The following NWD2 variants were observed in gnomAD, a reference collection of about 807,000 sequenced individuals.
NWD2 encodes the protein NACHT and WD repeat domain containing 2, also known as NACHT and WD repeat domain-containing protein 2.
A neutral mutation model predicts 132.7 loss-of-function variants in NWD2; 37 were observed. The observed-to-expected ratio is 0.28, with a 90% CI of 0.21 to 0.37. The LOEUF is 0.37. Among genes scored for constraint, NWD2 ranks in the 10% least tolerant of loss-of-function variants. NWD2 has a pLI of 1.00. For synonymous variants in NWD2, 705 were observed against 803.0 expected (o/e 0.88, Z 2.06); for missense variants, 1,592 against 2,122.4 (o/e 0.75, Z 4.91).
intron 3 of NWD2, among the ~76,000 whole-genome samples, chr4:37,411,517 A>G (rs1721156534): frequency 6.6e-6 from 1 of 152,228 alleles, no homozygotes; most frequent in Non-Finnish European, 1.5e-5. Flanking sequence ...AAAAAAGTCC[A>G]GGACCAGACA....
Position 37,439,473 on chromosome 4 carries a change from T to C in NWD2, c.1296+83T>C. On this transcript the variant is annotated intron_variant, in intron 6 of 6. Transcript: ENST00000309447. The surrounding 1 kb of genome is among the most constrained non-coding windows in gnomAD (Gnocchi z 4.5). ...TAAATTAATCAAATTCATTTCTACT[T>C]TCTGAGTTTACTATGTGAATTATAG... 1.0e-6 allele frequency: 1 copy of C among 984,560 alleles called. No homozygotes were observed. The highest frequency in any genetic ancestry group is 1.4e-6 in the Non-Finnish European group (1 of 694,374). The allele number at this position is 984,560 out of a possible 1,614,324, so 61.0% of individuals were successfully genotyped here. A position where few individuals can be genotyped will look rare whatever the true frequency, so the allele number is the denominator to read the frequency against.
At position 37,430,778 on chromosome 4, in the gene NWD2, A is replaced by AAGCT. The variant is rs1560253997; in HGVS notation, c.561+4_561+7dup. 1 of 1,548,992 alleles carries AAGCT rather than the reference A, an allele frequency of 6.5e-7. No individual in the cohort carries two copies. The highest frequency in any genetic ancestry group is 8.7e-7 in the Non-Finnish European group (1 of 1,144,548). ...TGCTGAGAAGCAATAGAAATGCAGTAAGCTGCCTTTCCCTCAAGCCTATGG... is the reference window on the plus strand; with the variant it reads ...TGCTGAGAAGCAATAGAAATGCAGTAAGCTAGCTGCCTTTCCCTCAAGCCTATGG... On this transcript the variant is annotated splice_donor_region_variant and intron_variant, in intron 4 of 6. Coordinates refer to ENST00000309447, the MANE Select transcript of NWD2 (RefSeq NM_001144990.2).
intron 1 of NWD2, among the ~76,000 whole-genome samples, chr4:37,249,136 G>A (rs1326078889): frequency 1.3e-5 from 2 of 152,198 alleles, no homozygotes; most frequent in Non-Finnish European, 2.9e-5. Flanking sequence ...AATTTTAATG[G>A]ATTTGAATTT....
In NWD2 at chr4:37,348,675, T is replaced by TACACACACACACACAC. The variant is rs1172614596; in HGVS notation, c.241-7678_241-7663dup. The stretch of plus-strand genomic sequence containing the variant: ...ATATATATATATATATATATATATA[T>TACACACACACACACAC]ACACACACACACACACACACACACA... On this transcript the variant is annotated intron_variant, in intron 2 of 6. Coordinates refer to ENST00000309447, the MANE Select transcript of NWD2 (RefSeq NM_001144990.2). Among the ~76,000 whole-genome samples the TACACACACACACACAC allele has an allele frequency of 2.1e-3, 47 of 22,566 alleles. 3 individuals are homozygous for TACACACACACACACAC. Among genetic ancestry groups the TACACACACACACACAC allele is most frequent in the African/African-American group, 8.5e-3 (47 of 5,538 alleles). 14.8% of individuals were successfully genotyped at this position (22,566 alleles called of 152,430 possible).
chr4:37,310,468 T>C (rs1244486910), intron 1 of NWD2, among the ~76,000 whole-genome samples: 3 of 152,188 alleles, frequency 2.0e-5, no homozygotes, highest in African/African-American at 7.2e-5. Context: ...TGGAAACTTC[T>C]AAGATTTGGA....
rs373412005 is a variant in NWD2 at position 37,401,144 on chromosome 4, T to C, written c.358-29428T>C. On this transcript the variant is annotated intron_variant, in intron 3 of 6. Transcript: ENST00000309447. The stretch of plus-strand genomic sequence containing the variant: ...AACAGCTTGTAATGTCAATTTTGTA[T>C]AGCCATTTTTCACTTATCCAGTCCC... Among the ~76,000 whole-genome samples, 9 of 152,316 alleles carry C rather than the reference T, an allele frequency of 5.9e-5. No homozygotes were observed. The South Asian group carries it at 1.7e-3, about 28-fold the overall frequency.
chr4:37,418,412 G>C (rs80271578), intron 3 of NWD2, among the ~76,000 whole-genome samples: 2,241 of 152,072 alleles, frequency 0.015, 55 homozygotes, highest in African/African-American at 0.051. Flanking sequence ...TCTAAAAGAG[G>C]GGGGCATAAC....
intron 1 of NWD2, among the ~76,000 whole-genome samples, chr4:37,316,002 T>C (rs907967593): frequency 6.6e-6 from 1 of 152,052 alleles, no homozygotes; most frequent in Admixed American, 6.6e-5. Flanking sequence ...GTATTATGTG[T>C]ATGTTAAAAT....
intron 5 of NWD2, among the ~76,000 whole-genome samples, chr4:37,434,703 C>T (rs1177918899): frequency 1.3e-5 from 2 of 151,244 alleles, no homozygotes; most frequent in Non-Finnish European, 2.9e-5. Flanking sequence ...GAGGGAGCAA[C>T]AGATTTAAGA....
chr4:37,378,655 T>C (rs1479746231), intron 3 of NWD2, among the ~76,000 whole-genome samples: 1 of 152,206 alleles, frequency 6.6e-6, no homozygotes, highest in Non-Finnish European at 1.5e-5. Context: ...GAGTGACCTT[T>C]GAGCCAGAAG....
At chr4:37,299,044 T>C (rs1024122716) in intron 1 of NWD2, among the ~76,000 whole-genome samples, 1 of 152,148 alleles carries the variant, frequency 6.6e-6, no homozygotes, top group African/African-American at 2.4e-5. Flanking sequence ...CTCTTTCCTG[T>C]GTATCTAATT....
chr4:37,336,084 T>C (rs1021979131), intron 2 of NWD2, among the ~76,000 whole-genome samples: 5 of 152,106 alleles, frequency 3.3e-5, no homozygotes, highest in Non-Finnish European at 5.9e-5. Flanking sequence ...GTTTTTATTT[T>C]TTTTCTGCTT....
chr4:37,438,779 T>A, intron 5 of NWD2, 22 bp from the exon 6 acceptor site: 1 of 1,498,454 alleles, frequency 6.7e-7, no homozygotes, highest in Non-Finnish European at 9.0e-7. Context: ...AGCAATAAAC[T>A]CCTTCTTATA....
intron 3 of NWD2, among the ~76,000 whole-genome samples, chr4:37,371,079 T>TC (rs1159571773): frequency 5.9e-5 from 2 of 33,644 alleles, no homozygotes; most frequent in African/African-American, 1.5e-4. Flanking sequence ...TTTCTTTTTC[T>TC]TTTTTTTTTT....
intron 1 of NWD2, among the ~76,000 whole-genome samples, chr4:37,246,974 A>G (rs561156166): frequency 2.0e-5 from 3 of 152,330 alleles, no homozygotes; most frequent in African/African-American, 7.2e-5. Flanking sequence ...GCCTGTCCAT[A>G]TGATTCTTCA....
rs566376314 is a variant in NWD2 at position 37,244,795 on chromosome 4, G to C, written c.-273G>C. On this transcript the variant is annotated 5_prime_UTR_variant, in exon 1 of 7. Coordinates refer to ENST00000309447, the MANE Select transcript of NWD2 (RefSeq NM_001144990.2). The surrounding 1 kb of genome is among the most constrained non-coding windows in gnomAD (Gnocchi z 5.5). ...CCACGCTGACCTCCCGCTCCAGCTGGCTGCTGCTCGGAGCCCTAGCAGCGG... is the reference window on the plus strand; with the variant it reads ...CCACGCTGACCTCCCGCTCCAGCTGCCTGCTGCTCGGAGCCCTAGCAGCGG... The C allele has an allele frequency of 1.7e-4, 67 of 392,098 alleles. No homozygotes were observed. The highest frequency in any genetic ancestry group is 1.3e-3 in the African/African-American group (62 of 47,412). 24.3% of individuals were successfully genotyped at this position (392,098 alleles called of 1,614,324 possible).
chr4:37,270,012 C>A (rs1304626651), intron 1 of NWD2, among the ~76,000 whole-genome samples: 1 of 151,698 alleles, frequency 6.6e-6, no homozygotes, highest in African/African-American at 2.4e-5. Context: ...TGTTGGTCTT[C>A]TAGTGAGTAT....
intron 3 of NWD2, among the ~76,000 whole-genome samples, chr4:37,426,039 G>A (rs10856831): frequency 0.15 from 23,102 of 152,192 alleles, 2,228 homozygotes; most frequent in Admixed American, 0.22. Flanking sequence ...CTTTGCAACT[G>A]AGTTGGACTG....
At chr4:37,288,812 G>T (rs1718298112) in intron 1 of NWD2, among the ~76,000 whole-genome samples, 1 of 151,806 alleles carries the variant, frequency 6.6e-6, no homozygotes, top group African/African-American at 2.4e-5. Flanking sequence ...ATTGTTTTTT[G>T]GTTTTTGTTT....
Sources: allele counts gnomAD v4.1 joint callset (sites outside exome capture counted in the v4.1 genomes callset), GRCh38; gene constraint gnomAD v4.1.1; non-coding constraint Gnocchi (gnomAD v3.1); transcripts MANE v1.5; gene names NCBI Gene and HGNC (gene_info 2026-07-23, HGNC 2026-07-21).